The following GRM7 variants were observed in gnomAD, a reference collection of about 807,000 sequenced individuals.
GRM7 encodes the protein glutamate metabotropic receptor 7, also known as metabotropic glutamate receptor 7.
Under a neutral mutation model 84.5 loss-of-function variants are expected in GRM7, and 35 were observed. The observed-to-expected ratio is 0.41, with a 90% confidence interval of 0.32 to 0.55. The LOEUF (loss-of-function observed/expected upper bound fraction) is 0.55, where lower values mean the gene tolerates loss of function less well. Among genes scored for constraint, GRM7 ranks in the 20% least tolerant of loss-of-function variants. The probability of loss-of-function intolerance (pLI) is 0.19; values close to 1 mark genes in which losing one functional copy is unlikely to be tolerated. For synonymous variants in GRM7, 487 were observed against 455.1 expected, an observed-to-expected ratio of 1.07 and a Z score of -0.89; for missense variants, 1,003 against 1,194.6, an observed-to-expected ratio of 0.84 and a Z score of 2.36.
chr3:7,606,934 A>G (rs1428846121), intron 8 of GRM7: 2 of 152,214 alleles, frequency 1.3e-5, no homozygotes, highest in South Asian at 2.1e-4. Flanking sequence ...ATTACACACA[A>G]CAAAAATGGT....
chr3:7,704,843 T>C (rs552874617), intron 9 of GRM7, among the ~76,000 whole-genome samples: 10 of 152,238 alleles, frequency 6.6e-5, no homozygotes, highest in African/African-American at 1.2e-4. Context: ...CAGTGGAACA[T>C]ATGTACTGAA....
intron 7 of GRM7, among the ~76,000 whole-genome samples, chr3:7,549,180 TAC>T (rs1243297567): frequency 5.3e-5 from 8 of 152,342 alleles, no homozygotes; most frequent in African/African-American, 1.9e-4. Context: ...AATTAAATAA[TAC>T]AAACTTACAT....
At chr3:7,561,818 T>G (rs535066380) in intron 7 of GRM7, among the ~76,000 whole-genome samples, 2 of 152,274 alleles carry the variant, frequency 1.3e-5, no homozygotes, top group African/African-American at 4.8e-5. Context: ...TCTAATTGAA[T>G]TTTTAAATAT....
At chr3:7,330,241 C>G (rs1259790796) in intron 4 of GRM7, among the ~76,000 whole-genome samples, 2 of 152,108 alleles carry the variant, frequency 1.3e-5, no homozygotes, top group Admixed American at 6.6e-5. Flanking sequence ...CAGACATGTT[C>G]AAGATATACT....
intron 3 of GRM7, among the ~76,000 whole-genome samples, chr3:7,300,714 G>T (rs1326617934): frequency 6.6e-6 from 1 of 152,034 alleles, no homozygotes; most frequent in East Asian, 1.9e-4. Context: ...TATCTCTAGT[G>T]CTGTCCTCTC....
intron 1 of GRM7, chr3:6,892,644 TAGA>T (rs989712463): frequency 1.3e-4 from 20 of 152,122 alleles, no homozygotes; most frequent in African/African-American, 4.8e-4. Flanking sequence ...CTGCTTGTTT[TAGA>T]ATTGTATTTG....
At chr3:7,226,935 CATAA>C (rs936988762) in intron 2 of GRM7, among the ~76,000 whole-genome samples, 18 of 152,078 alleles carry the variant, frequency 1.2e-4, no homozygotes, top group African/African-American at 4.3e-4. Flanking sequence ...GATTTGCTCC[CATAA>C]ATAAATGTCA....
chr3:6,917,494 CTTTTTTT>C (rs35883512), intron 1 of GRM7, among the ~76,000 whole-genome samples: 11,282 of 126,358 alleles, frequency 0.089, 511 homozygotes, highest in Middle Eastern at 0.13. Flanking sequence ...TTGTTAATTG[CTTTTTTT>C]TTTTTTTTTT....
chr3:7,393,614 T>C (rs1169427366), intron 4 of GRM7, among the ~76,000 whole-genome samples: 1 of 152,264 alleles, frequency 6.6e-6, no homozygotes, highest in African/African-American at 2.4e-5. Context: ...ACTTATATTC[T>C]GGCTGTTTTC....
intron 7 of GRM7, among the ~76,000 whole-genome samples, chr3:7,508,262 A>G (rs1263727311): frequency 6.6e-6 from 1 of 152,180 alleles, no homozygotes; most frequent in African/African-American, 2.4e-5. Context: ...ATAATTAGCC[A>G]TGTGAGAAAA....
chr3:6,878,357 G>A (rs939743951), intron 1 of GRM7, among the ~76,000 whole-genome samples: 1 of 148,384 alleles, frequency 6.7e-6, no homozygotes, highest in East Asian at 2.0e-4. Flanking sequence ...GACTTTCAAA[G>A]GGTGATTTTT....
At chr3:6,960,956 C>T (rs1475921463) in intron 1 of GRM7, among the ~76,000 whole-genome samples, 2 of 152,156 alleles carry the variant, frequency 1.3e-5, no homozygotes, top group East Asian at 1.9e-4. Flanking sequence ...AAATTTTACT[C>T]ATTTCTCCTT....
chr3:7,077,092 T>C (rs1409443210), intron 1 of GRM7, among the ~76,000 whole-genome samples: 1 of 152,146 alleles, frequency 6.6e-6, no homozygotes, highest in Non-Finnish European at 1.5e-5. Flanking sequence ...GGAGAGTCTG[T>C]GGAGAAATAG....
At chr3:6,913,801 C>T (rs529235066) in intron 1 of GRM7, among the ~76,000 whole-genome samples, 2 of 152,268 alleles carry the variant, frequency 1.3e-5, no homozygotes, top group East Asian at 1.9e-4. Context: ...CAGCTTGATG[C>T]AATAGATAGA....
intron 4 of GRM7, among the ~76,000 whole-genome samples, chr3:7,308,359 TCTC>T (rs79196052): frequency 0.47 from 71,620 of 151,650 alleles, 18,585 homozygotes; most frequent in Non-Finnish European, 0.6. Flanking sequence ...ATCCCACACA[TCTC>T]CTACTGTTGG....
intron 1 of GRM7, among the ~76,000 whole-genome samples, chr3:6,918,495 T>A (rs1697017151): frequency 6.6e-6 from 1 of 152,226 alleles, no homozygotes; most frequent in African/African-American, 2.4e-5. Context: ...CACTTACTAG[T>A]TGTGTATCCT....
intron 8 of GRM7, among the ~76,000 whole-genome samples, chr3:7,581,033 A>G (rs1228676232): frequency 1.3e-5 from 2 of 152,184 alleles, no homozygotes; most frequent in Non-Finnish European, 2.9e-5. Flanking sequence ...CAGGTTGAAG[A>G]CATTAAAACC....
chr3:7,660,800 G>C (rs918965913), intron 8 of GRM7, among the ~76,000 whole-genome samples: 3 of 53,362 alleles, frequency 5.6e-5, no homozygotes, highest in African/African-American at 8.6e-5. Flanking sequence ...GAACTGAGTA[G>C]AGTCCAGAAC....
chr3:7,283,400 G>GTTATTA (rs61500951), intron 2 of GRM7, among the ~76,000 whole-genome samples: 181 of 150,402 alleles, frequency 1.2e-3, no homozygotes, highest in Non-Finnish European at 6.2e-4. Flanking sequence ...TGAGGTTGCT[G>GTTATTA]TTATTATTAT....
Sources: allele counts gnomAD v4.1 joint callset (sites outside exome capture counted in the v4.1 genomes callset), GRCh38; gene constraint gnomAD v4.1.1; transcripts MANE v1.5; gene names NCBI Gene and HGNC (gene_info 2026-07-23, HGNC 2026-07-21).